CLOCK: variants seen among roughly 807,000 people sequenced by gnomAD.
CLOCK encodes the protein clock circadian regulator, also known as circadian locomoter output cycles protein kaput.
In CLOCK, 43 loss-of-function variants were observed where a neutral mutation model predicts 118.4. The observed-to-expected ratio is 0.36, with a 90% CI of 0.28 to 0.47. The LOEUF (loss-of-function observed/expected upper bound fraction) is 0.47, where lower values mean the gene tolerates loss of function less well. Ranked by LOEUF, CLOCK falls within the 20% of genes least tolerant of loss-of-function variation. The pLI is 1.00. For missense variants in CLOCK, 846 were observed against 999.9 expected (o/e 0.85, Z 2.08); for synonymous variants, 326 against 339.2 (o/e 0.96, Z 0.43).
At position 55,482,774 on chromosome 4, in the gene CLOCK, G is replaced by A. The variant is rs149959118; in HGVS notation, c.12C>T (p.Thr4=). 31 of 1,609,024 alleles carry A rather than the reference G, an allele frequency of 1.9e-5. No individual in the cohort carries two copies. The highest frequency in any genetic ancestry group is 8.4e-5 in the Admixed American group (5 of 59,788). Reference sequence around the variant, plus strand: ...TCGAGCTCATTTTACTACAGCTTACGGTAAACAACATAACATACTACGTTT... The same window carrying A: ...TCGAGCTCATTTTACTACAGCTTACAGTAAACAACATAACATACTACGTTT... MLF[T]VSCSKMSSIV... Residue 4 remains threonine (T), a synonymous_variant, in exon 4 of 23, where the codon ACC becomes ACT. Transcript: ENST00000513440.
intron 1 of CLOCK, among the ~76,000 whole-genome samples, chr4:55,537,067 C>T (rs969411137): frequency 6.6e-6 from 1 of 152,172 alleles, no homozygotes. Context: ...ACAATGATCT[C>T]TGGAAAATCC....
intron 8 of CLOCK, among the ~76,000 whole-genome samples, chr4:55,469,991 A>T (rs1233673085): frequency 6.6e-6 from 1 of 152,242 alleles, no homozygotes; most frequent in Admixed American, 6.5e-5. Context: ...AAGTGTTACT[A>T]CAAGAGTAAA....
At chr4:55,505,475 G>A (rs371671512) in intron 2 of CLOCK, among the ~76,000 whole-genome samples, 9 of 151,894 alleles carry the variant, frequency 5.9e-5, no homozygotes, top group African/African-American at 2.2e-4. Flanking sequence ...ACCAGCCTGG[G>A]CAACATGGCA....
chr4:55,538,477 A>G (rs1731048229), intron 1 of CLOCK, among the ~76,000 whole-genome samples: 1 of 152,246 alleles, frequency 6.6e-6, no homozygotes, highest in South Asian at 2.1e-4. Context: ...TATTTTGACA[A>G]AAAGAGAAGA....
chr4:55,470,786 T>TA lies in CLOCK; in HGVS notation c.368dup (p.Leu123PhefsTer14), dbSNP rs369752219. 3.0e-4 allele frequency: 477 copies of TA among 1,586,288 alleles called. No homozygotes were observed. Among genetic ancestry groups the TA allele is most frequent in the Non-Finnish European group, 3.6e-4 (416 of 1,160,346 alleles). ...TTATGCTTCCATCTGTCATGATTGC[T>TA]AAAAAAAAACCATCAAGAGCCTGAA... On this transcript the variant is annotated frameshift_variant, in exon 8 of 23. Coordinates refer to ENST00000513440, the MANE Select transcript of CLOCK (RefSeq NM_004898.4). LOFTEE classifies it high-confidence loss of function.
chr4:55,480,781 C>T (rs1386826061), intron 4 of CLOCK, among the ~76,000 whole-genome samples: 1 of 151,746 alleles, frequency 6.6e-6, no homozygotes, highest in Non-Finnish European at 1.5e-5. Context: ...GTCCCAGCTA[C>T]TCAGGAGGCT....
chr4:55,529,549 A>G (rs544529744), intron 1 of CLOCK, among the ~76,000 whole-genome samples: 1 of 152,222 alleles, frequency 6.6e-6, no homozygotes, highest in Admixed American at 6.5e-5. Flanking sequence ...AGAACAAAGT[A>G]TTCTCAAAGG....
Position 55,434,341 on chromosome 4 carries a change from A to C in CLOCK, c.*1074T>G, listed in dbSNP as rs2109614812. On this transcript the variant is annotated 3_prime_UTR_variant, in exon 23 of 23. Coordinates refer to ENST00000513440, the MANE Select transcript of CLOCK (RefSeq NM_004898.4). ...AATTCCCATGATTGAGAATGTTAAA[A>C]AGTGCCTAAGATGTTTTGTGTGCAA... 6.5e-6 allele frequency: 1 copy of C among 152,770 alleles called. No individual in the cohort carries two copies. Among genetic ancestry groups the C allele is most frequent in the Non-Finnish European group, 1.5e-5 (1 of 68,032 alleles). The allele number at this position is 152,770 out of a possible 1,614,324, so 9.5% of individuals were successfully genotyped here. A position where few individuals can be genotyped will look rare whatever the true frequency, so the allele number is the denominator to read the frequency against.
intron 16 of CLOCK, among the ~76,000 whole-genome samples, 180 bp from the exon 17 acceptor site, chr4:55,449,676 C>A (rs956241490): frequency 6.6e-6 from 1 of 151,924 alleles, no homozygotes; most frequent in African/African-American, 2.4e-5. Context: ...TTTATGAGCA[C>A]AAAGAAAATA....
chr4:55,465,230 TATTATAA>T (rs1725656131), intron 8 of CLOCK, among the ~76,000 whole-genome samples: 1 of 150,918 alleles, frequency 6.6e-6, no homozygotes, highest in Non-Finnish European at 1.5e-5. Flanking sequence ...TTGTATTAGT[TATTATAA>T]ATAATCTAGA....
chr4:55,483,604 G>A (rs1467776326), intron 3 of CLOCK, among the ~76,000 whole-genome samples: 1 of 152,168 alleles, frequency 6.6e-6, no homozygotes, highest in African/African-American at 2.4e-5. Flanking sequence ...CAGATAATAG[G>A]TGAAAGAATT....
In CLOCK at chr4:55,522,496, T is replaced by G. The variant is rs548987724; in HGVS notation, c.-289-12431A>C. On this transcript the variant is annotated intron_variant, in intron 1 of 22. Transcript: ENST00000513440. ...AAAGATGCCAACCAGTAATAAACTG[T>G]TTTTTTTTAAAAAAAAAAGAAGCAT... Among the ~76,000 whole-genome samples the G allele has an allele frequency of 2.0e-4, 29 of 147,102 alleles. 1 individual carries two copies. In the South Asian group the frequency reaches 3.4e-3, roughly 17 times the overall value.
At chr4:55,490,621 A>T (rs1394284935) in intron 2 of CLOCK, among the ~76,000 whole-genome samples, 1 of 152,182 alleles carries the variant, frequency 6.6e-6, no homozygotes, top group Non-Finnish European at 1.5e-5. Flanking sequence ...ATTTGCCTAT[A>T]ACCTATGTGC....
At chr4:55,524,876 T>C (rs957026889) in intron 1 of CLOCK, among the ~76,000 whole-genome samples, 5 of 151,920 alleles carry the variant, frequency 3.3e-5, no homozygotes, top group African/African-American at 1.2e-4. Flanking sequence ...AATGATGATA[T>C]CTCCAGACTT....
intron 1 of CLOCK, among the ~76,000 whole-genome samples, chr4:55,511,651 C>T (rs1457435356): frequency 1.3e-5 from 2 of 152,136 alleles, no homozygotes; most frequent in African/African-American, 4.8e-5. Context: ...TTAGGCTTCA[C>T]TCTTAGTGCT....
chr4:55,439,955 C>A (rs548877502), intron 21 of CLOCK, among the ~76,000 whole-genome samples: 35 of 152,090 alleles, frequency 2.3e-4, no homozygotes, highest in African/African-American at 7.2e-4. Flanking sequence ...TGACAATGAA[C>A]TGTATATTTT....
chr4:55,453,050 A>C lies in CLOCK; in HGVS notation c.1206+4T>G. Reference sequence around the variant, plus strand: ...ATAATTTTTTTTAATTATAAGAAACATACTTTGTCAGCAGCTGTCTCAGGA... The same window carrying C: ...ATAATTTTTTTTAATTATAAGAAACCTACTTTGTCAGCAGCTGTCTCAGGA... On this transcript the variant is annotated splice_donor_region_variant and intron_variant, in intron 15 of 22. Coordinates refer to ENST00000513440, the MANE Select transcript of CLOCK (RefSeq NM_004898.4). 6.2e-7 allele frequency: 1 copy of C among 1,602,168 alleles called. No individual in the cohort carries two copies. Among genetic ancestry groups the C allele is most frequent in the Non-Finnish European group, 8.5e-7 (1 of 1,171,220 alleles).
At position 55,482,808 on chromosome 4, in the gene CLOCK, T is replaced by G; in HGVS notation, c.-23A>C. 6.3e-7 allele frequency: 1 copy of G among 1,585,324 alleles called. No individual in the cohort carries two copies. Among genetic ancestry groups the G allele is most frequent in the Non-Finnish European group, 8.6e-7 (1 of 1,157,438 alleles). ...CATAACATACTACGTTTTCGTCTTGTAGTAGACATTTGTACTTCTCCTTAG... is the reference window on the plus strand; with the variant it reads ...CATAACATACTACGTTTTCGTCTTGGAGTAGACATTTGTACTTCTCCTTAG... On this transcript the variant is annotated 5_prime_UTR_variant, in exon 4 of 23. Coordinates refer to ENST00000513440, the MANE Select transcript of CLOCK (RefSeq NM_004898.4).
At chr4:55,544,678 G>T (rs989060413) in intron 1 of CLOCK, among the ~76,000 whole-genome samples, 1 of 152,090 alleles carries the variant, frequency 6.6e-6, no homozygotes, top group South Asian at 2.1e-4. Context: ...AATTATTTGG[G>T]GGAGGAGGAT....
Sources: gnomAD v4.1 joint callset for allele counts (sites outside exome capture counted in the v4.1 genomes callset) on GRCh38, gnomAD v4.1.1 for gene constraint, MANE v1.5 for transcripts, NCBI Gene and HGNC (gene_info 2026-07-23, HGNC 2026-07-21) for gene names.